ELL2: variants seen among roughly 807,000 people sequenced by gnomAD.
ELL2 encodes RNA polymerase II elongation factor ELL2.
ELL2 carries 21 observed loss-of-function variants against 72.8 expected under a neutral mutation model. That is an observed-to-expected ratio of 0.29 (90% CI 0.20 to 0.42). The LOEUF is 0.42. Ranked by LOEUF, ELL2 falls within the 10% of genes least tolerant of loss-of-function variation. ELL2 has a pLI of 1.00. For synonymous variants in ELL2, 266 were observed against 283.2 expected, an observed-to-expected ratio of 0.94 and a Z score of 0.61; for missense variants, 568 against 772.8, an observed-to-expected ratio of 0.73 and a Z score of 3.14.
At chr5:95,939,866 G>A (rs1047482870) in intron 2 of ELL2, among the ~76,000 whole-genome samples, 1 of 152,160 alleles carries the variant, frequency 6.6e-6, no homozygotes, top group Non-Finnish European at 1.5e-5. Flanking sequence ...GTAACTTGAA[G>A]ATCACAATGC....
chr5:95,898,206 G>A lies in ELL2; in HGVS notation c.1525+34C>T, dbSNP rs376803324. 2.0e-6 allele frequency: 3 copies of A among 1,494,000 alleles called. No homozygotes were observed. The African/African-American group carries it at 4.2e-5, about 21-fold the overall frequency. 92.5% of individuals were successfully genotyped at this position (1,494,000 alleles called of 1,614,324 possible). ...ACTGTGTAATTTCAAACTCATGATA[G>A]CATGCACTTCTGGTTCATCTAAAGG... On this transcript the variant is annotated intron_variant, in intron 8 of 11. Coordinates refer to ENST00000237853, the MANE Select transcript of ELL2 (RefSeq NM_012081.6).
At chr5:95,890,942 T>G in intron 10 of ELL2, 161 bp downstream of exon 10, 1 of 821,750 alleles carries the variant, frequency 1.2e-6, no homozygotes, top group Non-Finnish European at 2.0e-6. Context: ...TAATTTATTT[T>G]CAAGAACTAT....
chr5:95,948,816 T>C (rs1278385339), intron 1 of ELL2, among the ~76,000 whole-genome samples: 1 of 152,208 alleles, frequency 6.6e-6, no homozygotes, highest in Non-Finnish European at 1.5e-5. Flanking sequence ...TTATCTTGTA[T>C]CTATTTCCAA....
intron 2 of ELL2, among the ~76,000 whole-genome samples, chr5:95,930,251 C>T (rs1041764192): frequency 2.0e-5 from 3 of 152,152 alleles, no homozygotes; most frequent in Non-Finnish European, 4.4e-5. Context: ...TCTCCTTGTA[C>T]CCTGGAGCCT....
intron 1 of ELL2, among the ~76,000 whole-genome samples, chr5:95,953,811 T>C (rs955856443): frequency 9.2e-5 from 14 of 152,218 alleles, no homozygotes; most frequent in Admixed American, 2.6e-4. Context: ...TATTTCAAAA[T>C]AAAACTTGAA....
chr5:95,941,465 C>T (rs531854073), intron 2 of ELL2, among the ~76,000 whole-genome samples: 2 of 152,270 alleles, frequency 1.3e-5, no homozygotes, highest in East Asian at 3.9e-4. Context: ...GAAAACCATA[C>T]TCCCTCCTAG....
rs150141995 is a variant in ELL2 at position 95,950,276 on chromosome 5, T to C, written c.148-7227A>G. 1.2e-3 allele frequency among the ~76,000 whole-genome samples: 178 copies of C among 152,330 alleles called. 1 individual carries two copies. Among genetic ancestry groups the C allele is most frequent in the African/African-American group, 4.1e-3 (170 of 41,574 alleles). ...CTATTTAAGAACTGGTAGTAATGAT[T>C]CTTTTGTTCAAGAGTCACTTTTTTC... On this transcript the variant is annotated intron_variant, in intron 1 of 11. Coordinates refer to ENST00000237853, the MANE Select transcript of ELL2 (RefSeq NM_012081.6).
At chr5:95,904,785 A>AT (rs58236374) in intron 5 of ELL2, among the ~76,000 whole-genome samples, 5,402 of 150,438 alleles carry the variant, frequency 0.036, 343 homozygotes, top group African/African-American at 0.12. Flanking sequence ...AAGTCATTTT[A>AT]TTTTTTTTTG....
At chr5:95,912,057 T>G (rs964385771) in intron 4 of ELL2, among the ~76,000 whole-genome samples, 20 of 152,202 alleles carry the variant, frequency 1.3e-4, no homozygotes, top group African/African-American at 3.9e-4. Flanking sequence ...ACCTCCAAAA[T>G]GTATGTAAAT....
At chr5:95,961,076 AC>A (rs527861360) in intron 1 of ELL2, among the ~76,000 whole-genome samples, 3 of 147,482 alleles carry the variant, frequency 2.0e-5, no homozygotes, top group Admixed American at 6.8e-5. Flanking sequence ...ACAAGGTCCC[AC>A]CCCCACACGC....
chr5:95,925,549 A>G (rs1026548866), intron 2 of ELL2, among the ~76,000 whole-genome samples: 4 of 152,226 alleles, frequency 2.6e-5, no homozygotes, highest in Non-Finnish European at 5.9e-5. Flanking sequence ...CAGCACCTCA[A>G]GTGGTGCGTG....
At chr5:95,960,065 A>G (rs941369230) in intron 1 of ELL2, among the ~76,000 whole-genome samples, 2 of 151,748 alleles carry the variant, frequency 1.3e-5, no homozygotes, top group African/African-American at 4.8e-5. Context: ...CCTTCGCTCT[A>G]TGTATTTAAA....
In ELL2 at chr5:95,954,040, T is replaced by G. The variant is rs139136583; in HGVS notation, c.147+7535A>C. ...TGCCCTGCTCAAAACCAAATTTTTT[T>G]CCCAAAGAATTTCAACTTTCCTCAA... On this transcript the variant is annotated intron_variant, in intron 1 of 11. Coordinates refer to ENST00000237853, the MANE Select transcript of ELL2 (RefSeq NM_012081.6). Among the ~76,000 whole-genome samples the G allele has an allele frequency of 8.6e-3, 1,307 of 152,304 alleles. 17 individuals carry two copies. Among genetic ancestry groups the G allele is most frequent in the African/African-American group, 0.03 (1,261 of 41,566 alleles).
chr5:95,961,835 A>C lies in ELL2; in HGVS notation c.-114T>G. 7.3e-7 allele frequency: 1 copy of C among 1,362,242 alleles called. No homozygotes were observed. The highest frequency in any genetic ancestry group is 9.7e-7 in the Non-Finnish European group (1 of 1,032,654). The allele number at this position is 1,362,242 out of a possible 1,614,324, so 84.4% of individuals were successfully genotyped here. On this transcript the variant is annotated 5_prime_UTR_variant, in exon 1 of 12. Transcript: ENST00000237853. Reference sequence around the variant, plus strand: ...CACTGCTAGGGCCATCCCGCTGCTGACGTACTGTCATATACTGCGCGGAGC... The same window carrying C: ...CACTGCTAGGGCCATCCCGCTGCTGCCGTACTGTCATATACTGCGCGGAGC...
At chr5:95,927,966 G>C (rs1750456220) in intron 2 of ELL2, among the ~76,000 whole-genome samples, 1 of 151,262 alleles carries the variant, frequency 6.6e-6, no homozygotes, top group African/African-American at 2.4e-5. Context: ...CAGCTAAAAA[G>C]GGGCTTCAAA....
At chr5:95,950,605 AAAAG>A (rs1257753544) in intron 1 of ELL2, among the ~76,000 whole-genome samples, 1 of 152,032 alleles carries the variant, frequency 6.6e-6, no homozygotes, top group Non-Finnish European at 1.5e-5. Context: ...TTAGATGCCA[AAAAG>A]AAAGTCATTA....
chr5:95,903,207 CCT>C (rs1749208692), intron 5 of ELL2, among the ~76,000 whole-genome samples: 1 of 115,754 alleles, frequency 8.6e-6, no homozygotes, highest in African/African-American at 3.2e-5. Context: ...TCTCTTAGGA[CCT>C]TTTTTTTTTT....
At chr5:95,914,748 A>G (rs2112302992) in intron 3 of ELL2, among the ~76,000 whole-genome samples, 1 of 152,206 alleles carries the variant, frequency 6.6e-6, no homozygotes, top group Admixed American at 6.5e-5. Flanking sequence ...AGGAGACTGA[A>G]GTGGGAGGGT....
rs17085331 is a variant in ELL2, at chr5:95,944,874, C to A, written c.148-1825G>T. On this transcript the variant is annotated intron_variant, in intron 1 of 11. Transcript: ENST00000237853. ...ATGAAATTTGAAATTCTCTCTCCAA[C>A]AAGTTCATTGATTCTTCTTGGTCAG... is the stretch of plus-strand genomic sequence containing the variant. 3.5e-3 allele frequency among the ~76,000 whole-genome samples: 528 copies of A among 152,350 alleles called. 6 individuals carry two copies. The highest frequency in any genetic ancestry group is 0.012 in the African/African-American group (479 of 41,586).
Sources: allele counts gnomAD v4.1 joint callset (sites outside exome capture counted in the v4.1 genomes callset), GRCh38; gene constraint gnomAD v4.1.1; transcripts MANE v1.5; gene names NCBI Gene and HGNC (gene_info 2026-07-23, HGNC 2026-07-21).